Variants in AMPH observed in about 807,000 individuals in gnomAD.
AMPH encodes the protein amphiphysin (Stiff-Mann syndrome with breast cancer 128kD autoantigen).
In AMPH, 49 loss-of-function variants were observed where a neutral mutation model predicts 99.1. The observed-to-expected ratio is 0.49, with a 90% CI of 0.39 to 0.63. The LOEUF is 0.63. Ranked by LOEUF, AMPH falls within the 20% of genes least tolerant of loss-of-function variation. The probability of loss-of-function intolerance (pLI) is 0.00; values close to 1 mark genes in which losing one functional copy is unlikely to be tolerated. For synonymous variants in AMPH, 314 were observed against 317.3 expected (o/e 0.99, Z 0.11); for missense variants, 759 against 863.4 (o/e 0.88, Z 1.52).
chr7:38,494,772 C>A (rs1297423617), intron 3 of AMPH, among the ~76,000 whole-genome samples: 3 of 152,164 alleles, frequency 2.0e-5, no homozygotes, highest in Non-Finnish European at 4.4e-5. Flanking sequence ...CGGGAAAGAT[C>A]AACAAGTATC....
chr7:38,398,069 T>A, intron 17 of AMPH, among the ~76,000 whole-genome samples: 1 of 137,198 alleles, frequency 7.3e-6, no homozygotes, highest in African/African-American at 2.8e-5. Context: ...AAATGTAAAT[T>A]AATGCAACTA....
At chr7:38,624,240 T>A (rs962213045) in intron 1 of AMPH, among the ~76,000 whole-genome samples, 4 of 152,046 alleles carry the variant, frequency 2.6e-5, no homozygotes, top group Non-Finnish European at 4.4e-5. Flanking sequence ...TACAATTTAG[T>A]TTGGAAGATG....
intron 19 of AMPH, among the ~76,000 whole-genome samples, chr7:38,390,169 G>C (rs966477978): frequency 1.3e-5 from 2 of 152,136 alleles, no homozygotes; most frequent in Non-Finnish European, 2.9e-5. Flanking sequence ...ATTTTTGTTA[G>C]AGATTTGCAT....
rs570463566 is a variant in AMPH, at chr7:38,501,749, T to C, written c.205+1901A>G. 2.7e-5 allele frequency among the ~76,000 whole-genome samples: 4 copies of C among 148,460 alleles called. No individual in the cohort carries two copies. The Admixed American group carries it at 2.8e-4, about 10-fold the overall frequency. The stretch of plus-strand genomic sequence containing the variant: ...GAATAAATTCTTAGAATGAAACTGG[T>C]ATGTTAAAAAGCATACCAAATAAAT... On this transcript the variant is annotated intron_variant, in intron 3 of 20. Coordinates refer to ENST00000356264, the MANE Select transcript of AMPH (RefSeq NM_001635.4).
intron 1 of AMPH, among the ~76,000 whole-genome samples, chr7:38,596,920 T>C (rs1235460995): frequency 2.6e-5 from 4 of 152,248 alleles, no homozygotes; most frequent in Non-Finnish European, 5.9e-5. Context: ...CACATGCATC[T>C]GATCATACTT....
chr7:38,442,082 C>T (rs560959596), intron 11 of AMPH, among the ~76,000 whole-genome samples: 2 of 151,762 alleles, frequency 1.3e-5, no homozygotes, highest in South Asian at 2.1e-4. Context: ...GGAAACAACA[C>T]ACACTGGGGC....
chr7:38,507,115 C>G lies in AMPH; in HGVS notation c.151-3411G>C, dbSNP rs73352491. 4.7e-3 allele frequency among the ~76,000 whole-genome samples: 711 copies of G among 152,302 alleles called. 7 individuals carry two copies. Among genetic ancestry groups the G allele is most frequent in the African/African-American group, 0.014 (594 of 41,560 alleles). On this transcript the variant is annotated intron_variant, in intron 2 of 20. Transcript: ENST00000356264. ...ATTAACCCCACAATTAACTAATTGC[C>G]TTTTCCTTCAGTAGAAATAAAGTGA...
intron 11 of AMPH, among the ~76,000 whole-genome samples, chr7:38,457,349 C>A (rs2129006339): frequency 6.6e-6 from 1 of 151,778 alleles, no homozygotes; most frequent in African/African-American, 2.4e-5. Context: ...AAAAATTTAC[C>A]AAAGAGATAT....
At chr7:38,612,268 G>GT (rs1793713485) in intron 1 of AMPH, among the ~76,000 whole-genome samples, 1 of 151,788 alleles carries the variant, frequency 6.6e-6, no homozygotes, top group African/African-American at 2.4e-5. Context: ...TACAGACGGG[G>GT]ATTTTCCATG....
chr7:38,458,891 T>C (rs1787335175), intron 11 of AMPH, among the ~76,000 whole-genome samples: 1 of 152,026 alleles, frequency 6.6e-6, no homozygotes, highest in Non-Finnish European at 1.5e-5. Context: ...GATAAAGAAA[T>C]AAAAGGCATT....
rs372537853 is a variant in AMPH at position 38,391,954 on chromosome 7, C to A, written c.1672G>T (p.Glu558Ter). The A allele has an allele frequency of 6.2e-7, 1 of 1,611,866 alleles. No homozygotes were observed. The highest frequency in any genetic ancestry group is 1.1e-5 in the South Asian group (1 of 91,042). ...ASNHEEEGEN[E>*]ITIGAEPKET... Reference sequence around the variant, plus strand: ...TTGGGCTCTGCACCTATAGTTATTTCGTTTTCTCCTTCCTCTTCATGGTTG... The same window carrying A: ...TTGGGCTCTGCACCTATAGTTATTTAGTTTTCTCCTTCCTCTTCATGGTTG... The change falls in exon 19 of 21, where the codon GAA (glutamate) becomes TAA (stop). Residue 558 changes from glutamate (E) to a stop codon, truncating the protein, a stop_gained. Coordinates refer to ENST00000356264, the MANE Select transcript of AMPH (RefSeq NM_001635.4). LOFTEE classifies it high-confidence loss of function.
chr7:38,393,799 G>A (rs566443423), intron 18 of AMPH, among the ~76,000 whole-genome samples: 1 of 152,294 alleles, frequency 6.6e-6, no homozygotes, highest in South Asian at 2.1e-4. Context: ...CAGGCCCTGA[G>A]GGCCTATATG....
intron 1 of AMPH, among the ~76,000 whole-genome samples, chr7:38,603,258 G>A (rs1406488305): frequency 6.9e-6 from 1 of 145,006 alleles, no homozygotes. Context: ...GGAGGTTGCA[G>A]TGAGCCAAGA....
intron 2 of AMPH, among the ~76,000 whole-genome samples, chr7:38,533,363 T>C (rs1309886874): frequency 1.3e-5 from 2 of 152,222 alleles, no homozygotes; most frequent in Non-Finnish European, 2.9e-5. Context: ...CCTCTCCCTT[T>C]TCTCATGTTC....
intron 1 of AMPH, among the ~76,000 whole-genome samples, chr7:38,555,958 C>G (rs972571045): frequency 1.1e-4 from 17 of 151,958 alleles, no homozygotes; most frequent in Non-Finnish European, 2.4e-4. Flanking sequence ...ATGGGGACTC[C>G]TAGAGCTTGT....
At chr7:38,619,072 G>C (rs1185906115) in intron 1 of AMPH, among the ~76,000 whole-genome samples, 2 of 152,142 alleles carry the variant, frequency 1.3e-5, no homozygotes, top group Admixed American at 1.3e-4. Context: ...AGTGCCTGTA[G>C]TCCCAGCTAC....
At chr7:38,605,001 A>G (rs1257561736) in intron 1 of AMPH, among the ~76,000 whole-genome samples, 2 of 152,244 alleles carry the variant, frequency 1.3e-5, no homozygotes, top group Non-Finnish European at 2.9e-5. Flanking sequence ...GTTAGTAAAG[A>G]TTAATGAAGG....
At chr7:38,448,227 G>A (rs780144612) in intron 11 of AMPH, among the ~76,000 whole-genome samples, 6 of 152,290 alleles carry the variant, frequency 3.9e-5, no homozygotes, top group Non-Finnish European at 4.4e-5. Context: ...GAGTCATATA[G>A]CACATGGACA....
chr7:38,606,324 G>C (rs1029361395), intron 1 of AMPH, among the ~76,000 whole-genome samples: 6 of 152,092 alleles, frequency 3.9e-5, no homozygotes, highest in Admixed American at 3.9e-4. Context: ...TCTAGTTCCG[G>C]AATATTTTCA....
Sources: allele counts gnomAD v4.1 joint callset (sites outside exome capture counted in the v4.1 genomes callset), GRCh38; gene constraint gnomAD v4.1.1; transcripts MANE v1.5; gene names NCBI Gene and HGNC (gene_info 2026-07-23, HGNC 2026-07-21).